The following FDFT1 variants were observed in gnomAD, a reference collection of about 807,000 sequenced individuals.
The protein encoded by FDFT1 is squalene synthase.
A neutral mutation model predicts 46.8 loss-of-function variants in FDFT1; 68 were observed. The ratio of observed to expected loss-of-function variants is 1.45; its 90% CI spans 1.19 to 1.78. The LOEUF is 1.78. FDFT1 is among the 40% of genes most tolerant of loss of function. The probability of loss-of-function intolerance (pLI) is 0.00; values close to 1 mark genes in which losing one functional copy is unlikely to be tolerated. For missense variants in FDFT1, 928 were observed against 524.4 expected (o/e 1.77, Z -7.52); for synonymous variants, 351 against 185.1 (o/e 1.90, Z -7.28).
At chr8:11,828,425 C>T (rs1300765075) in intron 5 of FDFT1, among the ~76,000 whole-genome samples, 1 of 152,230 alleles carries the variant, frequency 6.6e-6, no homozygotes, top group Middle Eastern at 3.2e-3. Flanking sequence ...TTTGCAGACA[C>T]AGGGCTCAGA....
intron 3 of FDFT1, 46 bp from the exon 4 acceptor site, chr8:11,821,704 C>T (rs1809270304): frequency 6.2e-7 from 1 of 1,604,212 alleles, no homozygotes; most frequent in Non-Finnish European, 8.5e-7. Flanking sequence ...GGTGCCATGT[C>T]TGTACATATT....
chr8:11,809,081 C>A (rs1020243632), intron 2 of FDFT1, 190 bp downstream of exon 2: 1 of 1,270,010 alleles, frequency 7.9e-7, no homozygotes, highest in Non-Finnish European at 1.0e-6. Context: ...TAGTAGAGTC[C>A]CTGCGGGCCC....
At position 11,835,971 on chromosome 8, in the gene FDFT1, TAAAAAA is replaced by T. The variant is rs755611965; in HGVS notation, c.1033-2398_1033-2393del. ...TTATGTGATGAAACCCTGTCTCTAC[TAAAAAA>T]AAAAAAAAAAAAAAAAAATACAAAA... On this transcript the variant is annotated intron_variant, in intron 7 of 7. Coordinates refer to ENST00000220584, the MANE Select transcript of FDFT1 (RefSeq NM_004462.5). Among the ~76,000 whole-genome samples the T allele has an allele frequency of 5.1e-4, 33 of 64,612 alleles. No individual in the cohort carries two copies. The East Asian group carries it at 6.2e-3, about 12-fold the overall frequency. 42.4% of individuals were successfully genotyped at this position (64,612 alleles called of 152,430 possible).
rs1418141654 is a variant in FDFT1, at chr8:11,796,944, AAGC to A, written c.-94+937_-94+939del. Reference sequence around the variant, plus strand: ...GGCTGCTCCGCAGGCAGTGTGCTGAAAGCAGCTCAGGGCAGTTGTGCAGTCAGA... The same window carrying A: ...GGCTGCTCCGCAGGCAGTGTGCTGAAAGCTCAGGGCAGTTGTGCAGTCAGA... On this transcript the variant is annotated intron_variant, in intron 1 of 7. Transcript: ENST00000538689. Among the ~76,000 whole-genome samples the A allele has an allele frequency of 2.6e-5, 4 of 152,366 alleles. No individual in the cohort carries two copies. In the East Asian group the frequency reaches 5.8e-4, roughly 22 times the overall value.
chr8:11,829,807 C>G (rs754784454), intron 5 of FDFT1, among the ~76,000 whole-genome samples: 3 of 151,902 alleles, frequency 2.0e-5, no homozygotes, highest in Non-Finnish European at 4.4e-5. Flanking sequence ...GAGTCTGCAG[C>G]TAAGAGACTT....
chr8:11,798,667 C>G (rs765189909), upstream of FDFT1, among the ~76,000 whole-genome samples: 1 of 152,120 alleles, frequency 6.6e-6, no homozygotes, highest in Admixed American at 6.5e-5. Context: ...AGAATGGGCA[C>G]GTTAACTAAC....
At chr8:11,827,855 C>G (rs936126542) in intron 5 of FDFT1, among the ~76,000 whole-genome samples, 1 of 151,156 alleles carries the variant, frequency 6.6e-6, no homozygotes, top group Non-Finnish European at 1.5e-5. Flanking sequence ...GCCTGGACAA[C>G]GTAGTGAGAC....
At chr8:11,814,233 C>G (rs895856939) in intron 3 of FDFT1, among the ~76,000 whole-genome samples, 3 of 151,136 alleles carry the variant, frequency 2.0e-5, no homozygotes, top group Non-Finnish European at 4.4e-5. Context: ...TTGACATTGG[C>G]TTGAACAGCT....
At chr8:11,823,757 T>G (rs577368518) in intron 4 of FDFT1, among the ~76,000 whole-genome samples, 1 of 152,218 alleles carries the variant, frequency 6.6e-6, no homozygotes, top group South Asian at 2.1e-4. Flanking sequence ...ATTTTTATTA[T>G]TTTTGAGACA....
intron 1 of FDFT1, among the ~76,000 whole-genome samples, chr8:11,805,780 C>G (rs943406999): frequency 1.3e-5 from 2 of 152,204 alleles, no homozygotes; most frequent in Admixed American, 1.3e-4. Flanking sequence ...CTACTTCACA[C>G]TGACTAGGGT....
chr8:11,835,314 C>T (rs143630585), intron 7 of FDFT1, among the ~76,000 whole-genome samples: 262 of 152,220 alleles, frequency 1.7e-3, no homozygotes, highest in Middle Eastern at 6.8e-3. Context: ...GGTCTAGCAA[C>T]GAAGCATCTA....
intron 5 of FDFT1, among the ~76,000 whole-genome samples, chr8:11,826,540 G>T (rs531430262): frequency 6.6e-6 from 1 of 152,182 alleles, no homozygotes; most frequent in African/African-American, 2.4e-5. Flanking sequence ...TCGGCCTGGC[G>T]CAGTGGCTCA....
In FDFT1 at chr8:11,838,891, A is replaced by G; in HGVS notation, c.*282A>G. 2.3e-6 allele frequency: 1 copy of G among 429,644 alleles called. No individual in the cohort carries two copies. Among genetic ancestry groups the G allele is most frequent in the Non-Finnish European group, 4.2e-6 (1 of 236,076 alleles). The allele number at this position is 429,644 out of a possible 1,614,324, so 26.6% of individuals were successfully genotyped here. A position where few individuals can be genotyped will look rare whatever the true frequency, so the allele number is the denominator to read the frequency against. On this transcript the variant is annotated 3_prime_UTR_variant, in exon 8 of 8. Coordinates refer to ENST00000220584, the MANE Select transcript of FDFT1 (RefSeq NM_004462.5). The stretch of plus-strand genomic sequence containing the variant: ...GCCACGGTTTAGGTGAAGTCGCTGC[A>G]TATGTGACTGTCATGAGATCCTACT...
Position 11,826,177 on chromosome 8 carries a change from G to A in FDFT1, c.664G>A (p.Glu222Lys). 2 of 1,586,728 alleles carry A rather than the reference G, an allele frequency of 1.3e-6. No homozygotes were observed. ...AACAAACATCATCCGTGACTATCTG[G>A]AAGACCAGCAAGGAGGAAGAGAGTT... is the stretch of plus-strand genomic sequence containing the variant. ...QKTNIIRDYL[E>K]DQQGGREFWP... Residue 222 changes from glutamate to lysine, a missense_variant, in exon 5 of 8, where the codon GAA (glutamate) becomes AAA (lysine). Transcript: ENST00000220584.
At chr8:11,803,998 G>T (rs1342406882) in intron 1 of FDFT1, among the ~76,000 whole-genome samples, 1 of 152,194 alleles carries the variant, frequency 6.6e-6, no homozygotes, top group African/African-American at 2.4e-5. Context: ...TGATATGGCA[G>T]ATGTCACTTT....
intron 7 of FDFT1, among the ~76,000 whole-genome samples, chr8:11,832,242 A>G (rs1810902818): frequency 6.9e-6 from 1 of 145,508 alleles, no homozygotes; most frequent in South Asian, 2.2e-4. Flanking sequence ...CAAATCTCTA[A>G]TATTTGACTA....
chr8:11,798,710 C>A (rs772508279), upstream of FDFT1, among the ~76,000 whole-genome samples: 1 of 152,178 alleles, frequency 6.6e-6, no homozygotes, highest in African/African-American at 2.4e-5. Context: ...GTGTCCTATA[C>A]GCAGCTCAAT....
chr8:11,807,405 C>G (rs893590685), intron 1 of FDFT1, among the ~76,000 whole-genome samples: 8 of 152,328 alleles, frequency 5.3e-5, no homozygotes, highest in Non-Finnish European at 4.4e-5. Context: ...TCAAGTGATT[C>G]TCCCACCTTG....
intron 6 of FDFT1, among the ~76,000 whole-genome samples, chr8:11,831,090 C>G (rs746583999): frequency 2.6e-5 from 4 of 152,166 alleles, no homozygotes; most frequent in African/African-American, 4.8e-5. Flanking sequence ...TGTTCTCCCC[C>G]TGGCATTGGT....
Sources: allele counts gnomAD v4.1 joint callset (sites outside exome capture counted in the v4.1 genomes callset), GRCh38; gene constraint gnomAD v4.1.1; transcripts MANE v1.5; gene names NCBI Gene and HGNC (gene_info 2026-07-23, HGNC 2026-07-21).